Variants in GRIA3 observed in about 807,000 individuals in gnomAD.
GRIA3 encodes the protein glutamate ionotropic receptor AMPA type subunit 3, also known as glutamate receptor 3.
GRIA3 carries 3 observed loss-of-function variants against 63.0 expected under a neutral mutation model. The ratio of observed to expected loss-of-function variants is 0.05; its 90% CI spans 0.02 to 0.12. GRIA3 has a LOEUF of 0.12. Among genes scored for constraint, GRIA3 ranks in the 10% least tolerant of loss-of-function variants. The pLI is 1.00. For synonymous variants in GRIA3, 274 were observed against 257.9 expected (o/e 1.06, Z -0.60); for missense variants, 347 against 700.9 (o/e 0.50, Z 5.70).
At chrX:123,415,485 T>C (rs192875416) in intron 10 of GRIA3, among the ~76,000 whole-genome samples, 100 of 111,365 alleles carry the variant, frequency 9.0e-4, no homozygotes, top group South Asian at 2.3e-3. Flanking sequence ...GGAACTGAGA[T>C]GATAGAGCTT....
chrX:123,352,084 C>CG (rs1407972510), intron 4 of GRIA3, among the ~76,000 whole-genome samples: 48 of 29,568 alleles, frequency 1.6e-3, no homozygotes, highest in Non-Finnish European at 2.0e-3. Context: ...ACATTTCAAA[C>CG]ATTTTTTTTT....
At chrX:123,369,248 GC>G (rs1394534589) in intron 5 of GRIA3, among the ~76,000 whole-genome samples, 5 of 112,166 alleles carry the variant, frequency 4.5e-5, no homozygotes, top group African/African-American at 1.6e-4. Context: ...GTAGCAACAT[GC>G]TATGAGCAAG....
chrX:123,185,825 C>T lies in GRIA3; in HGVS notation c.110-7C>T. The T allele has an allele frequency of 8.3e-7, 1 of 1,209,555 alleles. No homozygotes were observed. Among genetic ancestry groups the T allele is most frequent in the Non-Finnish European group, 1.1e-6 (1 of 893,810 alleles). On this transcript the variant is annotated splice_polypyrimidine_tract_variant and splice_region_variant and intron_variant, in intron 1 of 15. Coordinates refer to ENST00000620443, the MANE Select transcript of GRIA3 (RefSeq NM_007325.5). The stretch of plus-strand genomic sequence containing the variant: ...ACAAGCCAAATCTCCGTTCCCTTTG[C>T]TTATAGGTGGACTTTTCATGAGAAA...
At chrX:123,409,220 T>G (rs1038278217) in intron 10 of GRIA3, among the ~76,000 whole-genome samples, 1 of 111,975 alleles carries the variant, frequency 8.9e-6, no homozygotes, top group Non-Finnish European at 1.9e-5. Context: ...GGTATTTCTC[T>G]TATGCTTTTA....
At chrX:123,308,656 T>C (rs1414053499) in intron 3 of GRIA3, among the ~76,000 whole-genome samples, 2 of 111,475 alleles carry the variant, frequency 1.8e-5, no homozygotes, top group African/African-American at 6.5e-5. Context: ...TCTTAGGACT[T>C]GGGTTACTGG....
At chrX:123,474,197 CT>C (rs981005493) in intron 13 of GRIA3, among the ~76,000 whole-genome samples, 3 of 111,355 alleles carry the variant, frequency 2.7e-5, no homozygotes, top group African/African-American at 9.8e-5. Context: ...AATTTTCCTT[CT>C]TTTCCCCTAA....
In GRIA3 at chrX:123,273,680, T is replaced by C. The variant is rs184000311; in HGVS notation, c.508+20138T>C. 3.6e-3 allele frequency among the ~76,000 whole-genome samples: 406 copies of C among 112,055 alleles called. 2 individuals carry two copies. The highest frequency in any genetic ancestry group is 0.013 in the African/African-American group (389 of 30,833). ...GCCCAAGACCTCTTCATTCCTATCA[T>C]ATAGATGACTTTCTGTATATGAACT... On this transcript the variant is annotated intron_variant, in intron 3 of 15. Transcript: ENST00000620443.
At chrX:123,225,318 G>T (rs746475823) in intron 2 of GRIA3, among the ~76,000 whole-genome samples, 16 of 112,096 alleles carry the variant, frequency 1.4e-4, no homozygotes, top group Non-Finnish European at 2.3e-4. Flanking sequence ...TCTGTGCCTG[G>T]CATATGGTCT....
chrX:123,268,049 T>C (rs1488051336), intron 3 of GRIA3, among the ~76,000 whole-genome samples: 1 of 111,775 alleles, frequency 8.9e-6, no homozygotes, highest in Non-Finnish European at 1.9e-5. Context: ...CACAATGACC[T>C]GAGATCCTTG....
At chrX:123,233,061 G>C (rs2044283929) in intron 2 of GRIA3, among the ~76,000 whole-genome samples, 1 of 110,594 alleles carries the variant, frequency 9.0e-6, no homozygotes, top group South Asian at 3.9e-4. Flanking sequence ...TAGAGCAAGT[G>C]CTTGGTAAAT....
rs1449972267 is a variant in GRIA3 at position 123,327,379 on chromosome X, A to G, written c.696+1166A>G. Among the ~76,000 whole-genome samples, 6 of 111,551 alleles carry G rather than the reference A, an allele frequency of 5.4e-5. No individual in the cohort carries two copies. In the Admixed American group the frequency reaches 5.7e-4, roughly 11 times the overall value. On this transcript the variant is annotated intron_variant, in intron 4 of 15. Transcript: ENST00000620443. ...CCTTAGAAGTTTCAATTTGCCAGTT[A>G]ATAACAATGTGCCCACGCTGCCATA...
chrX:123,368,542 G>A (rs1030207895), intron 5 of GRIA3, among the ~76,000 whole-genome samples: 1 of 111,145 alleles, frequency 9.0e-6, no homozygotes, highest in African/African-American at 3.3e-5. Flanking sequence ...AACTGCTGGT[G>A]ATGCCAGAAA....
At chrX:123,276,625 G>A (rs1054856454) in intron 3 of GRIA3, among the ~76,000 whole-genome samples, 2 of 112,008 alleles carry the variant, frequency 1.8e-5, no homozygotes, top group Admixed American at 9.5e-5. Context: ...GGCTCAGAGA[G>A]CTTAAATGAT....
intron 2 of GRIA3, among the ~76,000 whole-genome samples, chrX:123,236,396 C>A (rs1175379647): frequency 9.0e-6 from 1 of 111,358 alleles, no homozygotes; most frequent in African/African-American, 3.3e-5. Flanking sequence ...TCAGTGATTC[C>A]ATTTAAAAGG....
At chrX:123,386,290 ATTTGTT>A (rs748795914) in intron 5 of GRIA3, among the ~76,000 whole-genome samples, 11 of 111,019 alleles carry the variant, frequency 9.9e-5, no homozygotes, top group African/African-American at 2.3e-4. Flanking sequence ...TAACGGGATT[ATTTGTT>A]TTTGTTTTTG....
chrX:123,257,850 G>A (rs1273372654), intron 3 of GRIA3, among the ~76,000 whole-genome samples: 1 of 111,264 alleles, frequency 9.0e-6, no homozygotes, highest in Non-Finnish European at 1.9e-5. Flanking sequence ...CCAGGGTAAA[G>A]TTTTCTCTGA....
intron 14 of GRIA3, among the ~76,000 whole-genome samples, chrX:123,481,442 C>A (rs1241580313): frequency 8.9e-6 from 1 of 112,022 alleles, no homozygotes; most frequent in Non-Finnish European, 1.9e-5. Context: ...TTAAAGTAAA[C>A]AAGTATAGGA....
At chrX:123,482,087 G>A (rs972123320) in intron 14 of GRIA3, among the ~76,000 whole-genome samples, 1 of 111,846 alleles carries the variant, frequency 8.9e-6, no homozygotes, top group Non-Finnish European at 1.9e-5. Context: ...ATGGAACGGA[G>A]CCAATTCTTT....
intron 2 of GRIA3, among the ~76,000 whole-genome samples, chrX:123,190,966 C>T (rs1346632224): frequency 8.9e-6 from 1 of 112,087 alleles, no homozygotes; most frequent in African/African-American, 3.2e-5. Context: ...TATTTGTCTT[C>T]CTTTTTACAG....
Sources: gnomAD v4.1 joint callset for allele counts (sites outside exome capture counted in the v4.1 genomes callset) on GRCh38, gnomAD v4.1.1 for gene constraint, MANE v1.5 for transcripts, NCBI Gene and HGNC (gene_info 2026-07-23, HGNC 2026-07-21) for gene names.